Variants in CDH8 observed in about 807,000 individuals in gnomAD.
The protein encoded by CDH8 is cadherin-8.
In CDH8, 17 loss-of-function variants were observed where a neutral mutation model predicts 68.1. That is an observed-to-expected ratio of 0.25 (90% confidence interval 0.17 to 0.37). CDH8 has a LOEUF of 0.37. Ranked by LOEUF, CDH8 falls within the 10% of genes least tolerant of loss-of-function variation. CDH8 has a pLI of 1.00. For synonymous variants in CDH8, 372 were observed against 365.1 expected (o/e 1.02, Z -0.21); for missense variants, 763 against 999.3 (o/e 0.76, Z 3.19).
At chr16:61,794,563 T>C (rs1961454282) in intron 7 of CDH8, among the ~76,000 whole-genome samples, 1 of 152,056 alleles carries the variant, frequency 6.6e-6, no homozygotes, top group Non-Finnish European at 1.5e-5. Context: ...TCCCTGACTT[T>C]TTCTAAGGTC....
intron 10 of CDH8, among the ~76,000 whole-genome samples, chr16:61,690,430 T>C (rs1030846389): frequency 1.3e-5 from 2 of 152,060 alleles, no homozygotes; most frequent in African/African-American, 4.8e-5. Flanking sequence ...TTTCCATCTA[T>C]ATAAGCTCTA....
intron 10 of CDH8, among the ~76,000 whole-genome samples, chr16:61,694,527 G>T (rs1243982986): frequency 6.6e-6 from 1 of 151,970 alleles, no homozygotes; most frequent in Admixed American, 6.6e-5. Flanking sequence ...AATAGGGTTT[G>T]GTTATATGAG....
intron 10 of CDH8, among the ~76,000 whole-genome samples, chr16:61,660,953 C>T (rs558948054): frequency 5.4e-4 from 82 of 151,878 alleles, no homozygotes; most frequent in African/African-American, 1.9e-3. Context: ...AAGCAAATGA[C>T]CCCAGATGGT....
chr16:61,693,848 A>G (rs189152450), intron 10 of CDH8: 16 of 152,310 alleles, frequency 1.1e-4, no homozygotes, highest in Non-Finnish European at 2.2e-4. Context: ...TATATGGACC[A>G]ACTTGTACAT....
chr16:61,944,055 A>G (rs1964764091), intron 2 of CDH8, among the ~76,000 whole-genome samples: 1 of 152,196 alleles, frequency 6.6e-6, no homozygotes, highest in South Asian at 2.1e-4. Flanking sequence ...GCTTCCCTGA[A>G]TAGGAGTTGT....
chr16:61,748,548 T>C lies in CDH8; in HGVS notation c.1415-21333A>G, dbSNP rs185215184. Among the ~76,000 whole-genome samples the C allele has an allele frequency of 3.3e-5, 5 of 152,020 alleles. No homozygotes were observed. The East Asian group carries it at 7.7e-4, about 24-fold the overall frequency. On this transcript the variant is annotated intron_variant, in intron 8 of 11. Coordinates refer to ENST00000577390, the MANE Select transcript of CDH8 (RefSeq NM_001796.5). ...AATAAGGGGGATGTCTGAGATATTA[T>C]TGAAACTTACGAATAAAAATAAAAC... is the stretch of plus-strand genomic sequence containing the variant.
intron 7 of CDH8, among the ~76,000 whole-genome samples, chr16:61,791,326 T>C (rs906234856): frequency 4.6e-5 from 7 of 151,950 alleles, no homozygotes; most frequent in African/African-American, 1.7e-4. Context: ...TTTCAATGTA[T>C]TGTATTATGG....
At chr16:61,994,540 T>G (rs557927402) in intron 2 of CDH8, among the ~76,000 whole-genome samples, 1 of 152,286 alleles carries the variant, frequency 6.6e-6, no homozygotes, top group Admixed American at 6.5e-5. Context: ...TGTAAAAAGC[T>G]TTATGACTCT....
chr16:61,866,805 C>G (rs1963263399), intron 3 of CDH8, among the ~76,000 whole-genome samples: 1 of 152,098 alleles, frequency 6.6e-6, no homozygotes, highest in Non-Finnish European at 1.5e-5. Context: ...TCAGTATTCT[C>G]CAGGTGAGAG....
intron 2 of CDH8, among the ~76,000 whole-genome samples, chr16:61,999,505 G>C (rs1965857769): frequency 6.6e-6 from 1 of 152,174 alleles, no homozygotes; most frequent in Non-Finnish European, 1.5e-5. Flanking sequence ...GAGTTCAGCA[G>C]ATACAGAACA....
chr16:61,708,468 G>T (rs1964571715), intron 10 of CDH8, among the ~76,000 whole-genome samples: 1 of 152,000 alleles, frequency 6.6e-6, no homozygotes, highest in African/African-American at 2.4e-5. Flanking sequence ...ACTTCTGCAG[G>T]TACTCTTAAA....
chr16:61,751,516 T>C (rs1256467017), intron 8 of CDH8, among the ~76,000 whole-genome samples: 1 of 151,920 alleles, frequency 6.6e-6, no homozygotes, highest in Non-Finnish European at 1.5e-5. Context: ...GACCGTCCCG[T>C]TACATTTTTT....
chr16:61,862,337 T>A (rs975193819), intron 3 of CDH8, among the ~76,000 whole-genome samples: 1 of 152,170 alleles, frequency 6.6e-6, no homozygotes, highest in African/African-American at 2.4e-5. Flanking sequence ...GGGCACATCA[T>A]CAGTACAAGT....
chr16:61,691,293 G>T (rs1273228819), intron 10 of CDH8, among the ~76,000 whole-genome samples: 2 of 151,772 alleles, frequency 1.3e-5, no homozygotes, highest in Non-Finnish European at 2.9e-5. Flanking sequence ...GTATGCCTAG[G>T]CCATTGCTGC....
intron 1 of CDH8, among the ~76,000 whole-genome samples, chr16:62,030,490 C>T (rs1041756997): frequency 1.3e-5 from 2 of 151,852 alleles, no homozygotes; most frequent in African/African-American, 2.4e-5. Context: ...AGAAAATGTG[C>T]CTTCGTACTT....
chr16:61,703,024 TC>T (rs1342719470), intron 10 of CDH8, among the ~76,000 whole-genome samples: 14 of 152,164 alleles, frequency 9.2e-5, no homozygotes, highest in African/African-American at 3.4e-4. Context: ...TGATATATAA[TC>T]AATACTGAGT....
intron 3 of CDH8, among the ~76,000 whole-genome samples, chr16:61,897,431 T>C (rs2143236954): frequency 6.6e-6 from 1 of 152,278 alleles, no homozygotes; most frequent in African/African-American, 2.4e-5. Flanking sequence ...TTTTGTATTT[T>C]TAGTAGGGAC....
intron 2 of CDH8, among the ~76,000 whole-genome samples, chr16:62,005,734 T>TA (rs10552670): frequency 0.011 from 1,305 of 113,942 alleles, 8 homozygotes; most frequent in African/African-American, 0.027. Context: ...GACTTCGTCT[T>TA]AAAAAAAAAA....
chr16:61,799,427 A>G (rs1057064890), intron 7 of CDH8, among the ~76,000 whole-genome samples: 1 of 152,182 alleles, frequency 6.6e-6, no homozygotes, highest in African/African-American at 2.4e-5. Flanking sequence ...CCTTTCTGCT[A>G]AGCCCTATAT....
Sources: allele counts gnomAD v4.1 joint callset (sites outside exome capture counted in the v4.1 genomes callset), GRCh38; gene constraint gnomAD v4.1.1; transcripts MANE v1.5; gene names NCBI Gene and HGNC (gene_info 2026-07-23, HGNC 2026-07-21).